Variants in TMIGD3 observed in about 807,000 individuals in gnomAD.
The protein encoded by TMIGD3 is AD026 protein (AD026).
Under a neutral mutation model 28.1 loss-of-function variants are expected in TMIGD3, and 21 were observed. The observed-to-expected ratio is 0.75, with a 90% CI of 0.53 to 1.08. The LOEUF is 1.08. Among genes scored for constraint, TMIGD3 ranks in the 50% least tolerant of loss-of-function variants. The pLI is 0.00. For missense variants in TMIGD3, 416 were observed against 435.6 expected (o/e 0.96, Z 0.40); for synonymous variants, 151 against 162.1 (o/e 0.93, Z 0.52).
intron 1 of TMIGD3, among the ~76,000 whole-genome samples, chr1:111,548,703 A>G (rs566346039): frequency 6.6e-6 from 1 of 152,344 alleles, no homozygotes; most frequent in African/African-American, 2.4e-5. Context: ...CGTAGGCTTC[A>G]TATTCAATAT....
At chr1:111,487,891 C>A (rs937080511) in intron 3 of TMIGD3, among the ~76,000 whole-genome samples, 2 of 152,096 alleles carry the variant, frequency 1.3e-5, no homozygotes, top group African/African-American at 2.4e-5. Flanking sequence ...GCAGCCTCAA[C>A]CTCCCTGGAC....
At chr1:111,494,332 G>C (rs1294781349) in intron 1 of TMIGD3, among the ~76,000 whole-genome samples, 1 of 152,200 alleles carries the variant, frequency 6.6e-6, no homozygotes, top group Non-Finnish European at 1.5e-5. Flanking sequence ...CAGCCCAAAA[G>C]CTCCTTCAGC....
intron 1 of TMIGD3, among the ~76,000 whole-genome samples, chr1:111,498,997 G>A (rs887099940): frequency 2.0e-5 from 3 of 151,690 alleles, no homozygotes; most frequent in African/African-American, 7.3e-5. Context: ...AGGCTGAGGT[G>A]GGAGGATCCC....
intron 3 of TMIGD3, among the ~76,000 whole-genome samples, chr1:111,486,940 G>C (rs963063332): frequency 3.3e-5 from 5 of 152,162 alleles, no homozygotes; most frequent in African/African-American, 7.2e-5. Context: ...TTCCAGATTT[G>C]AACAAAGGCC....
At chr1:111,545,958 G>C (rs189744870) in intron 1 of TMIGD3, among the ~76,000 whole-genome samples, 1 of 152,048 alleles carries the variant, frequency 6.6e-6, no homozygotes, top group South Asian at 2.1e-4. Context: ...CTGAACTTTC[G>C]GTTTAATTCA....
At chr1:111,510,826 T>G (rs1655666320) in intron 1 of TMIGD3, among the ~76,000 whole-genome samples, 2 of 152,164 alleles carry the variant, frequency 1.3e-5, no homozygotes, top group African/African-American at 4.8e-5. Context: ...ACTACCCCCA[T>G]GATTTGGGGG....
chr1:111,556,555 A>C (rs979719021), intron 1 of TMIGD3, among the ~76,000 whole-genome samples: 1 of 152,310 alleles, frequency 6.6e-6, no homozygotes, highest in African/African-American at 2.4e-5. Context: ...CATACAATAA[A>C]ATATTATCCA....
rs915988252 is a variant in TMIGD3 at position 111,530,513 on chromosome 1, A to G, written c.107+33333T>C. ...TTATTGTTGCGCAGCTCTGCTGGTTACAAATTCCCTTACTTTTTATAAGTC... is the reference window on the plus strand; with the variant it reads ...TTATTGTTGCGCAGCTCTGCTGGTTGCAAATTCCCTTACTTTTTATAAGTC... On this transcript the variant is annotated intron_variant, in intron 1 of 5. Transcript: ENST00000369717. Among the ~76,000 whole-genome samples the G allele has an allele frequency of 3.9e-5, 6 of 152,222 alleles. No homozygotes were observed. In the South Asian group the frequency reaches 1.0e-3, roughly 26 times the overall value.
Position 111,487,102 on chromosome 1 carries a change from C to T in TMIGD3, c.806-450G>A, listed in dbSNP as rs544191651. Among the ~76,000 whole-genome samples the T allele has an allele frequency of 7.2e-5, 11 of 152,316 alleles. No homozygotes were observed. The East Asian group carries it at 2.1e-3, about 29-fold the overall frequency. On this transcript the variant is annotated intron_variant, in intron 3 of 5. Coordinates refer to ENST00000369716, the MANE Select transcript of TMIGD3 (RefSeq NM_020683.7). ...TGCCATGTTTTTCTTATGACAGCCA[C>T]CAAAACCCAACGGGAGCAGTGGCAC...
chr1:111,499,920 C>G (rs1655073392), intron 1 of TMIGD3: 5 of 1,604,714 alleles, frequency 3.1e-6, no homozygotes, highest in Non-Finnish European at 4.3e-6. Context: ...ATCTGAAGGT[C>G]AATGAGACAG....
chr1:111,514,643 A>AACACACAC (rs113195244), intron 1 of TMIGD3, among the ~76,000 whole-genome samples: 3,049 of 148,990 alleles, frequency 0.02, 92 homozygotes, highest in African/African-American at 0.064. Context: ...ACAGTATGGG[A>AACACACAC]ACACACACAC....
upstream of TMIGD3, chr1:111,504,134 G>C (rs1028472800): frequency 4.1e-6 from 4 of 985,322 alleles, no homozygotes; most frequent in Non-Finnish European, 4.8e-6. Context: ...TTGGTCAAAG[G>C]GATAAGCAAA....
intron 1 of TMIGD3, among the ~76,000 whole-genome samples, chr1:111,539,178 A>T (rs755940314): frequency 2.6e-5 from 4 of 152,154 alleles, no homozygotes; most frequent in Non-Finnish European, 4.4e-5. Flanking sequence ...GAGGTTTGGG[A>T]TACAGAGAAT....
chr1:111,494,084 C>A (rs1654782251), intron 1 of TMIGD3, among the ~76,000 whole-genome samples: 2 of 152,230 alleles, frequency 1.3e-5, no homozygotes, highest in South Asian at 4.1e-4. Context: ...GCTCAGGAAA[C>A]CAACTGCTAA....
At chr1:111,543,297 C>T (rs992518169) in intron 1 of TMIGD3, among the ~76,000 whole-genome samples, 1 of 151,982 alleles carries the variant, frequency 6.6e-6, no homozygotes, top group African/African-American at 2.4e-5. Flanking sequence ...TATATTTCAC[C>T]TTAAAATCAG....
chr1:111,483,604 CAGTCT>C lies in TMIGD3; in HGVS notation c.*78_*82del. The C allele has an allele frequency of 1.8e-6, 2 of 1,123,370 alleles. No homozygotes were observed. The allele number at this position is 1,123,370 out of a possible 1,614,324, so 69.6% of individuals were successfully genotyped here. A position where few individuals can be genotyped will look rare whatever the true frequency, so the allele number is the denominator to read the frequency against. On this transcript the variant is annotated 3_prime_UTR_variant, in exon 6 of 6. Transcript: ENST00000369716. ...TTCAGAATTCCTGGGAGATCAGAAT[CAGTCT>C]CTGAGGTGTGGGCCAGTTGTCATGG...
intron 1 of TMIGD3, among the ~76,000 whole-genome samples, chr1:111,525,385 T>C (rs1265396630): frequency 6.6e-6 from 1 of 152,252 alleles, no homozygotes; most frequent in Non-Finnish European, 1.5e-5. Flanking sequence ...TACTAGGTCC[T>C]ATTGATGAAT....
intron 1 of TMIGD3, among the ~76,000 whole-genome samples, chr1:111,501,691 G>A (rs189988694): frequency 2.6e-5 from 4 of 152,088 alleles, no homozygotes; most frequent in Admixed American, 2.6e-4. Context: ...TCTGAGTTCC[G>A]AGCATCGTAA....
At chr1:111,514,880 C>T (rs755758925) in intron 1 of TMIGD3, among the ~76,000 whole-genome samples, 3 of 152,142 alleles carry the variant, frequency 2.0e-5, no homozygotes, top group Non-Finnish European at 2.9e-5. Context: ...TTGACATAGC[C>T]CTATAATAGA....
Sources: gnomAD v4.1 joint callset for allele counts (sites outside exome capture counted in the v4.1 genomes callset) on GRCh38, gnomAD v4.1.1 for gene constraint, MANE v1.5 for transcripts, NCBI Gene and HGNC (gene_info 2026-07-23, HGNC 2026-07-21) for gene names.